Variants in ACSL3 observed in about 807,000 individuals in gnomAD.
ACSL3 encodes the protein acyl-CoA synthetase long chain family member 3, also known as fatty acid CoA ligase Acsl3.
In ACSL3, 34 loss-of-function variants were observed where a neutral mutation model predicts 84.7. That is an observed-to-expected ratio of 0.40 (90% CI 0.31 to 0.53). The LOEUF (loss-of-function observed/expected upper bound fraction) is 0.53. ACSL3 is among the 20% of genes least tolerant of loss of function. ACSL3 has a pLI of 0.48. For missense variants in ACSL3, 680 were observed against 873.1 expected, an observed-to-expected ratio of 0.78 and a Z score of 2.79; for synonymous variants, 315 against 299.4, an observed-to-expected ratio of 1.05 and a Z score of -0.54.
intron 11 of ACSL3, among the ~76,000 whole-genome samples, chr2:222,924,845 A>T (rs915025007): frequency 6.6e-6 from 1 of 151,926 alleles, no homozygotes; most frequent in African/African-American, 2.4e-5. Flanking sequence ...AACACAGTGA[A>T]ACCCCGTCTC....
chr2:222,935,901 C>T (rs1165378589), intron 16 of ACSL3, among the ~76,000 whole-genome samples: 3 of 152,144 alleles, frequency 2.0e-5, no homozygotes, highest in Non-Finnish European at 4.4e-5. Context: ...AACGGAGACA[C>T]TATACCCATT....
chr2:222,895,054 G>A (rs376584151), intron 2 of ACSL3, among the ~76,000 whole-genome samples: 13 of 152,148 alleles, frequency 8.5e-5, no homozygotes, highest in Middle Eastern at 3.4e-3. Context: ...CTACTCTGTC[G>A]TGATTCTTAG....
chr2:222,931,588 G>A (rs1697031942), intron 14 of ACSL3, among the ~76,000 whole-genome samples: 1 of 151,924 alleles, frequency 6.6e-6, no homozygotes, highest in Non-Finnish European at 1.5e-5. Context: ...TCTCTTACTT[G>A]ATCATTGGTC....
chr2:222,893,663 T>G (rs1695894946), intron 2 of ACSL3, among the ~76,000 whole-genome samples: 1 of 152,130 alleles, frequency 6.6e-6, no homozygotes, highest in Non-Finnish European at 1.5e-5. Flanking sequence ...GAAGATTTTC[T>G]TCCTTCTCTT....
chr2:222,929,646 T>C (rs1005721742), intron 13 of ACSL3, among the ~76,000 whole-genome samples: 9 of 151,844 alleles, frequency 5.9e-5, no homozygotes, highest in African/African-American at 1.9e-4. Flanking sequence ...GGCGTGGTGG[T>C]GCGTGCCTGT....
intron 1 of ACSL3, among the ~76,000 whole-genome samples, chr2:222,866,700 CTG>C (rs568265197): frequency 2.6e-5 from 2 of 76,568 alleles, no homozygotes; most frequent in East Asian, 5.2e-4. Flanking sequence ...AGTTTTATGT[CTG>C]TTTTAATTAC....
chr2:222,889,708 A>C (rs1035944569), intron 2 of ACSL3, among the ~76,000 whole-genome samples: 1 of 152,220 alleles, frequency 6.6e-6, no homozygotes, highest in African/African-American at 2.4e-5. Flanking sequence ...TTGGTTTCAG[A>C]GGAAAATGGT....
chr2:222,861,314 G>A (rs932346266), intron 1 of ACSL3, 56 bp downstream of exon 1: 2 of 151,874 alleles, frequency 1.3e-5, no homozygotes, highest in Non-Finnish European at 2.9e-5. Flanking sequence ...CGCGGCCTCC[G>A]CGTGCGGTTC....
At chr2:222,932,305 C>T (rs1697053098) in intron 14 of ACSL3, among the ~76,000 whole-genome samples, 1 of 152,184 alleles carries the variant, frequency 6.6e-6, no homozygotes, top group East Asian at 1.9e-4. Flanking sequence ...CTAATGGAGT[C>T]CATTAAGTAG....
chr2:222,928,329 A>G (rs1696935764), intron 12 of ACSL3, among the ~76,000 whole-genome samples: 2 of 152,214 alleles, frequency 1.3e-5, no homozygotes, highest in South Asian at 4.1e-4. Flanking sequence ...TACATGGGAA[A>G]AGATTAGAGA....
chr2:222,919,700 A>C (rs1188034694), intron 7 of ACSL3, among the ~76,000 whole-genome samples: 1 of 152,286 alleles, frequency 6.6e-6, no homozygotes, highest in East Asian at 1.9e-4. Context: ...AATGTTAGCT[A>C]GTGTACTAGT....
At chr2:222,926,408 T>G (rs1021846722) in intron 11 of ACSL3, among the ~76,000 whole-genome samples, 1 of 152,216 alleles carries the variant, frequency 6.6e-6, no homozygotes, top group African/African-American at 2.4e-5. Flanking sequence ...CAAAGATTTT[T>G]TTTTTTAAGT....
At chr2:222,900,952 C>T (rs1696130805) in intron 3 of ACSL3, among the ~76,000 whole-genome samples, 172 bp downstream of exon 3, 1 of 152,196 alleles carries the variant, frequency 6.6e-6, no homozygotes, top group Admixed American at 6.5e-5. Flanking sequence ...CCTCCCAGCC[C>T]TGCTCTTCTG....
At chr2:222,934,180 AAC>A (rs770179094) in intron 15 of ACSL3, among the ~76,000 whole-genome samples, 31 of 152,226 alleles carry the variant, frequency 2.0e-4, no homozygotes, top group Non-Finnish European at 4.3e-4. Context: ...AGTTTTTTAA[AAC>A]ACATGCTATG....
chr2:222,907,331 T>C (rs139378209), intron 3 of ACSL3, among the ~76,000 whole-genome samples: 218 of 152,344 alleles, frequency 1.4e-3, no homozygotes, highest in Non-Finnish European at 2.2e-3. Flanking sequence ...TTGCCTGGAA[T>C]AGAATTTCTG....
chr2:222,941,734 A>C lies in ACSL3; in HGVS notation c.*80A>C. On this transcript the variant is annotated 3_prime_UTR_variant, in exon 17 of 17. Transcript: ENST00000357430. ...ACTTGAAATGCATGTCTCAAGCTGC[A>C]AGGCAAACTCCATTCCTCATATTAA... 1 of 1,436,736 alleles carries C rather than the reference A, an allele frequency of 7.0e-7. No individual in the cohort carries two copies. Among genetic ancestry groups the C allele is most frequent in the Non-Finnish European group, 9.4e-7 (1 of 1,065,486 alleles). The allele number at this position is 1,436,736 out of a possible 1,614,324, so 89.0% of individuals were successfully genotyped here.
At chr2:222,923,022 A>G in intron 9 of ACSL3, 56 bp from the exon 10 acceptor site, 9 of 1,454,918 alleles carry the variant, frequency 6.2e-6, no homozygotes, top group Non-Finnish European at 8.6e-6. Flanking sequence ...TAAGAATACC[A>G]TTGAATTTTA....
intron 1 of ACSL3, among the ~76,000 whole-genome samples, chr2:222,874,415 G>A (rs1163429788): frequency 6.6e-6 from 1 of 152,168 alleles, no homozygotes; most frequent in African/African-American, 2.4e-5. Flanking sequence ...TCTTGGCTGG[G>A]CACAGTGGCT....
At chr2:222,913,771 G>A (rs1696503062) in intron 4 of ACSL3, among the ~76,000 whole-genome samples, 1 of 152,108 alleles carries the variant, frequency 6.6e-6, no homozygotes, top group South Asian at 2.1e-4. Context: ...TCATATTCTA[G>A]TCCCATTACT....
Sources: gnomAD v4.1 joint callset for allele counts (sites outside exome capture counted in the v4.1 genomes callset) on GRCh38, gnomAD v4.1.1 for gene constraint, MANE v1.5 for transcripts, NCBI Gene and HGNC (gene_info 2026-07-23, HGNC 2026-07-21) for gene names.